Variants in RFPL1 observed in about 807,000 individuals in gnomAD.
RFPL1 encodes ret finger protein-like 1.
A neutral mutation model predicts 9.6 loss-of-function variants in RFPL1; 6 were observed. The ratio of observed to expected loss-of-function variants is 0.62; its 90% CI spans 0.34 to 1.23. The LOEUF is 1.23. Ranked by LOEUF, RFPL1 falls within the 50% of genes most tolerant of loss-of-function variation. The pLI is 0.03. For missense variants in RFPL1, 352 were observed against 398.4 expected, an observed-to-expected ratio of 0.88 and a Z score of 0.99; for synonymous variants, 145 against 149.4, an observed-to-expected ratio of 0.97 and a Z score of 0.22.
the RFPL1 span, among the ~76,000 whole-genome samples, chr22:29,407,834 C>G: frequency 4.6e-5 from 7 of 152,160 alleles, no homozygotes; most frequent in Non-Finnish European, 1.0e-4. Context: ...TCTTTTCAAA[C>G]AACTGACTTT....
At chr22:29,441,998 A>G (rs2062842718) in exon 2 of RFPL1, 1 of 1,614,104 alleles carries the variant, frequency 6.2e-7, no homozygotes, top group South Asian at 1.1e-5. Context: ...TCTGCTGAGG[A>G]GCCACTGCAC....
upstream of RFPL1, chr22:29,437,927 C>A: frequency 4.4e-6 from 2 of 457,144 alleles, no homozygotes; most frequent in East Asian, 5.0e-5. Context: ...ATTTGGTATT[C>A]ATTTCCAAGG....
upstream of RFPL1, chr22:29,437,658 T>C (rs1226737398): frequency 1.3e-6 from 2 of 1,595,064 alleles, no homozygotes; most frequent in African/African-American, 1.4e-5. Context: ...AACGCCCTCA[T>C]GTGCCCCTTC....
the RFPL1 span, among the ~76,000 whole-genome samples, chr22:29,410,227 A>ATAGATATATATATAGTAGATATATATTTG: frequency 7.2e-6 from 1 of 138,262 alleles, no homozygotes; most frequent in Non-Finnish European, 1.5e-5. Flanking sequence ...ATATATATAT[A>ATAGATATATATATAGTAGATATATATTTG]TAGATATATA....
chr22:29,424,774 A>T, the RFPL1 span, among the ~76,000 whole-genome samples: 25 of 146,782 alleles, frequency 1.7e-4, no homozygotes, highest in Admixed American at 1.5e-3. Context: ...GTGAGCCAAG[A>T]TTGAGCCACA....
At chr22:29,439,458 C>G (rs966081137) in intron 1 of RFPL1, 1 of 370,606 alleles carries the variant, frequency 2.7e-6, no homozygotes, top group East Asian at 5.0e-5. Flanking sequence ...ACGGTGAAAC[C>G]CTGTCTCTAC....
chr22:29,396,732 G>A, the RFPL1 span, among the ~76,000 whole-genome samples: 2 of 152,122 alleles, frequency 1.3e-5, no homozygotes, highest in South Asian at 4.1e-4. Flanking sequence ...TCCTGCCTTG[G>A]CCTCCCAAAG....
At chr22:29,441,623 T>C in exon 2 of RFPL1, 1 of 1,613,934 alleles carries the variant, frequency 6.2e-7, no homozygotes, top group Non-Finnish European at 8.5e-7. Flanking sequence ...AGTGGGTGCA[T>C]CACACAGAAT....
At chr22:29,401,874 T>G in the RFPL1 span, among the ~76,000 whole-genome samples, 4 of 152,230 alleles carry the variant, frequency 2.6e-5, no homozygotes, top group Non-Finnish European at 5.9e-5. Flanking sequence ...CCAGGTTGAT[T>G]CACTGTCCAG....
upstream of RFPL1, among the ~76,000 whole-genome samples, chr22:29,434,203 T>G (rs2062798044): frequency 1.3e-5 from 2 of 152,222 alleles, no homozygotes; most frequent in Admixed American, 1.3e-4. Context: ...ATTCATTAGA[T>G]ATCTATATTT....
chr22:29,398,028 G>A, the RFPL1 span, among the ~76,000 whole-genome samples: 57 of 152,314 alleles, frequency 3.7e-4, no homozygotes, highest in African/African-American at 1.3e-3. Context: ...AATTCCCCAC[G>A]CAAAGCAGCA....
the RFPL1 span, among the ~76,000 whole-genome samples, chr22:29,388,199 G>A: frequency 6.6e-6 from 1 of 152,122 alleles, no homozygotes; most frequent in East Asian, 1.9e-4. Flanking sequence ...AGCCCCAGGA[G>A]GTGCTGCGGG....
At chr22:29,399,242 G>A in the RFPL1 span, among the ~76,000 whole-genome samples, 1 of 143,460 alleles carries the variant, frequency 7.0e-6, no homozygotes, top group Non-Finnish European at 1.5e-5. Flanking sequence ...TTTTTTAAAT[G>A]TGCTCCAGAA....
chr22:29,423,256 G>GGGA, the RFPL1 span: 1 of 1,281,512 alleles, frequency 7.8e-7, no homozygotes, highest in East Asian at 2.3e-5. Context: ...ATGGTGCAGA[G>GGGA]GGAGGAGGAG....
At chr22:29,429,398 G>T in the RFPL1 span, among the ~76,000 whole-genome samples, 1 of 152,062 alleles carries the variant, frequency 6.6e-6, no homozygotes, top group African/African-American at 2.4e-5. Context: ...GACAAACTGT[G>T]AGCTAGGCTA....
chr22:29,429,458 A>G, the RFPL1 span, among the ~76,000 whole-genome samples: 1 of 152,256 alleles, frequency 6.6e-6, no homozygotes, highest in Non-Finnish European at 1.5e-5. Flanking sequence ...TTAAGAAATC[A>G]GAAATGAAAA....
At chr22:29,437,357 A>C (rs1225811683), upstream of RFPL1, 1 of 370,648 alleles carries the variant, frequency 2.7e-6, no homozygotes, top group African/African-American at 2.2e-5. Context: ...CAAAGCTTGA[A>C]GCCTACAACA....
At chr22:29,410,416 T>G in the RFPL1 span, among the ~76,000 whole-genome samples, 4 of 82,536 alleles carry the variant, frequency 4.8e-5, no homozygotes, top group Non-Finnish European at 8.9e-5. Context: ...TCTATATATA[T>G]AGATATATAT....
At chr22:29,423,103 C>A in the RFPL1 span, 4 of 1,402,130 alleles carry the variant, frequency 2.9e-6, no homozygotes, top group South Asian at 3.5e-5. Context: ...TAGGACAAGG[C>A]CCATTATTAA....
Sources: allele counts gnomAD v4.1 joint callset (sites outside exome capture counted in the v4.1 genomes callset), GRCh38; gene constraint gnomAD v4.1.1; transcripts MANE v1.5; gene names NCBI Gene and HGNC (gene_info 2026-07-23, HGNC 2026-07-21).